BANK1: variants seen among roughly 807,000 people sequenced by gnomAD.
The protein encoded by BANK1 is B cell scaffold protein with ankyrin repeats 1.
BANK1 carries 95 observed loss-of-function variants against 94.5 expected under a neutral mutation model. The ratio of observed to expected loss-of-function variants is 1.00; its 90% confidence interval spans 0.85 to 1.19. BANK1 has a LOEUF of 1.19. Ranked by LOEUF, BANK1 falls within the 50% of genes most tolerant of loss-of-function variation. BANK1 has a pLI of 0.00. For missense variants in BANK1, 987 were observed against 932.2 expected (o/e 1.06, Z -0.77); for synonymous variants, 334 against 308.4 (o/e 1.08, Z -0.87).
intron 7 of BANK1, among the ~76,000 whole-genome samples, chr4:101,966,454 A>G (rs1269700738): frequency 1.3e-5 from 2 of 152,070 alleles, no homozygotes; most frequent in Admixed American, 6.6e-5. Flanking sequence ...TGTGATAGAC[A>G]TCTTGGAGAG....
intron 5 of BANK1, among the ~76,000 whole-genome samples, chr4:101,890,441 G>C (rs1721822090): frequency 6.6e-6 from 1 of 151,222 alleles, no homozygotes; most frequent in African/African-American, 2.4e-5. Context: ...AAATTTTTTT[G>C]CTCTGATGTC....
chr4:101,965,414 T>A (rs1227576815), intron 7 of BANK1, among the ~76,000 whole-genome samples: 1 of 151,758 alleles, frequency 6.6e-6, no homozygotes, highest in Non-Finnish European at 1.5e-5. Flanking sequence ...CGACATGCAG[T>A]GTTATAAACC....
chr4:102,039,453 GT>G (rs1207708831), intron 10 of BANK1, among the ~76,000 whole-genome samples: 1 of 151,970 alleles, frequency 6.6e-6, no homozygotes, highest in Non-Finnish European at 1.5e-5. Flanking sequence ...TAGACAAAGG[GT>G]TTATTTACAC....
intron 1 of BANK1, among the ~76,000 whole-genome samples, chr4:101,829,452 T>C (rs1352383520): frequency 6.6e-6 from 1 of 151,966 alleles, no homozygotes; most frequent in Non-Finnish European, 1.5e-5. Flanking sequence ...TATGAAAATA[T>C]CAAGCTTTTC....
intron 5 of BANK1, among the ~76,000 whole-genome samples, chr4:101,884,116 G>A (rs1457845104): frequency 6.6e-6 from 1 of 152,148 alleles, no homozygotes; most frequent in African/African-American, 2.4e-5. Flanking sequence ...TGGGAAATAA[G>A]TAAAAGAAGT....
chr4:102,007,097 A>ATATAATAT (rs1363594136), intron 7 of BANK1, among the ~76,000 whole-genome samples: 1 of 77,018 alleles, frequency 1.3e-5, no homozygotes, highest in Non-Finnish European at 2.8e-5. Flanking sequence ...TATATAATAT[A>ATATAATAT]TTTATATATA....
At chr4:101,804,380 T>C (rs150094103) in intron 1 of BANK1, among the ~76,000 whole-genome samples, 237 of 152,296 alleles carry the variant, frequency 1.6e-3, no homozygotes, top group African/African-American at 5.4e-3. Context: ...AGTGAGTAGT[T>C]TGTCTGTCTA....
At chr4:101,992,366 A>G (rs570218670) in intron 7 of BANK1, among the ~76,000 whole-genome samples, 1 of 152,324 alleles carries the variant, frequency 6.6e-6, no homozygotes, top group Non-Finnish European at 1.5e-5. Context: ...AAACCTCCCA[A>G]CCAAAATCAC....
chr4:101,813,605 C>T (rs890929447), intron 1 of BANK1, among the ~76,000 whole-genome samples: 20 of 152,118 alleles, frequency 1.3e-4, no homozygotes, highest in African/African-American at 1.7e-4. Flanking sequence ...CGTCCTTGAC[C>T]GCATTATGTA....
At chr4:102,059,612 AT>A (rs1421365376) in intron 11 of BANK1, among the ~76,000 whole-genome samples, 1 of 152,214 alleles carries the variant, frequency 6.6e-6, no homozygotes. Flanking sequence ...CAGGCCACAA[AT>A]TCCTTTTGTG....
intron 10 of BANK1, 52 bp from the exon 11 acceptor site, chr4:102,043,787 G>T: frequency 8.0e-7 from 1 of 1,244,564 alleles, no homozygotes; most frequent in South Asian, 1.5e-5. Flanking sequence ...CTACAGTATG[G>T]ATTTTTTGAA....
At chr4:102,026,654 C>G (rs528935089) in intron 9 of BANK1, among the ~76,000 whole-genome samples, 2 of 151,680 alleles carry the variant, frequency 1.3e-5, no homozygotes, top group East Asian at 3.9e-4. Flanking sequence ...CATGGTGAAA[C>G]CCCCATCTCT....
chr4:101,795,860 G>C (rs1216770020), intron 1 of BANK1, among the ~76,000 whole-genome samples: 1 of 152,162 alleles, frequency 6.6e-6, no homozygotes, highest in East Asian at 1.9e-4. Context: ...CAGATTCCCA[G>C]AAACAGTCAC....
chr4:101,993,805 A>C (rs768302742), intron 7 of BANK1, among the ~76,000 whole-genome samples: 13 of 152,216 alleles, frequency 8.5e-5, no homozygotes, highest in South Asian at 2.1e-4. Flanking sequence ...CTTTTGGCTA[A>C]ATGCCTTCCA....
chr4:102,026,880 G>A (rs568106367), intron 9 of BANK1, among the ~76,000 whole-genome samples: 4 of 149,194 alleles, frequency 2.7e-5, no homozygotes, highest in African/African-American at 9.9e-5. Flanking sequence ...TCTCTATGAA[G>A]ACCCAAGTTT....
At chr4:102,018,475 C>A (rs868652147) in intron 7 of BANK1, among the ~76,000 whole-genome samples, 2 of 152,144 alleles carry the variant, frequency 1.3e-5, no homozygotes, top group African/African-American at 4.8e-5. Flanking sequence ...TTCACTTCCT[C>A]GAAATCAGAA....
At chr4:101,820,844 G>A (rs929484217) in intron 1 of BANK1, among the ~76,000 whole-genome samples, 1 of 152,166 alleles carries the variant, frequency 6.6e-6, no homozygotes, top group Non-Finnish European at 1.5e-5. Context: ...TGGTGTGTAT[G>A]TACCACATTC....
At chr4:101,792,879 A>C (rs1725044828) in intron 1 of BANK1, among the ~76,000 whole-genome samples, 1 of 152,184 alleles carries the variant, frequency 6.6e-6, no homozygotes, top group African/African-American at 2.4e-5. Context: ...AAAATGATGC[A>C]CAATGGGTGA....
At chr4:102,053,361 C>A (rs1560710765) in intron 11 of BANK1, among the ~76,000 whole-genome samples, 1 of 151,964 alleles carries the variant, frequency 6.6e-6, no homozygotes, top group East Asian at 1.9e-4. Context: ...GAAAAAGAAA[C>A]AATCTTAAAA....
Sources: allele counts gnomAD v4.1 joint callset (sites outside exome capture counted in the v4.1 genomes callset), GRCh38; gene constraint gnomAD v4.1.1; transcripts MANE v1.5; gene names NCBI Gene and HGNC (gene_info 2026-07-23, HGNC 2026-07-21).